The following ULK4 variants were observed in gnomAD, a reference collection of about 807,000 sequenced individuals.
ULK4 encodes the protein inactive serine/threonine-protein kinase ULK4.
In ULK4, 133 loss-of-function variants were observed where a neutral mutation model predicts 160.6. The observed-to-expected ratio is 0.83, with a 90% CI of 0.72 to 0.96. The LOEUF (loss-of-function observed/expected upper bound fraction) is 0.96, where lower values mean the gene tolerates loss of function less well. ULK4 is among the 40% of genes least tolerant of loss of function. The pLI is 0.00. For synonymous variants in ULK4, 534 were observed against 539.8 expected (o/e 0.99, Z 0.15); for missense variants, 1,580 against 1,499.5 (o/e 1.05, Z -0.89).
At chr3:41,684,944 TTGAAAATGGCTACTCTA>T (rs1476310287) in intron 27 of ULK4, among the ~76,000 whole-genome samples, 1 of 152,252 alleles carries the variant, frequency 6.6e-6, no homozygotes, top group Non-Finnish European at 1.5e-5. Flanking sequence ...CCTAGCAAGC[TTGAAAATGGCTACTCTA>T]GTTTCCTTCT....
chr3:41,598,966 C>T (rs2031877559), intron 31 of ULK4, among the ~76,000 whole-genome samples: 1 of 152,206 alleles, frequency 6.6e-6, no homozygotes, highest in Non-Finnish European at 1.5e-5. Flanking sequence ...AGGGGAAAAT[C>T]TGTTTTCTTG....
At chr3:41,368,146 A>C (rs2081289512) in intron 35 of ULK4, among the ~76,000 whole-genome samples, 1 of 151,490 alleles carries the variant, frequency 6.6e-6, no homozygotes, top group African/African-American at 2.4e-5. Context: ...CTCTGGGGTT[A>C]ACGCCATTCT....
chr3:41,351,389 G>A (rs939755850), intron 35 of ULK4, among the ~76,000 whole-genome samples: 1 of 152,144 alleles, frequency 6.6e-6, no homozygotes, highest in Non-Finnish European at 1.5e-5. Context: ...TGCACCTGAT[G>A]GACAAAACCC....
intron 21 of ULK4, among the ~76,000 whole-genome samples, chr3:41,762,366 T>C (rs1436047498): frequency 6.6e-6 from 1 of 152,084 alleles, no homozygotes; most frequent in Non-Finnish European, 1.5e-5. Flanking sequence ...TAGCTCTATC[T>C]ACCCAAAAGA....
intron 32 of ULK4, among the ~76,000 whole-genome samples, chr3:41,470,432 G>A (rs1291995129): frequency 3.3e-5 from 5 of 152,060 alleles, no homozygotes; most frequent in African/African-American, 9.7e-5. Context: ...AAATGCTAAC[G>A]GAATTCATCA....
intron 20 of ULK4, among the ~76,000 whole-genome samples, chr3:41,793,207 G>A (rs1006768834): frequency 2.6e-4 from 40 of 151,520 alleles, no homozygotes; most frequent in African/African-American, 9.7e-4. Flanking sequence ...AATAGAGTCT[G>A]AGATTATATT....
intron 32 of ULK4, among the ~76,000 whole-genome samples, chr3:41,530,702 A>G (rs920012986): frequency 2.0e-5 from 3 of 152,234 alleles, no homozygotes; most frequent in African/African-American, 7.2e-5. Context: ...ACAGCTGACC[A>G]ACTTGAAAAA....
chr3:41,268,945 G>A (rs1004768297), intron 35 of ULK4, among the ~76,000 whole-genome samples: 1 of 151,912 alleles, frequency 6.6e-6, no homozygotes, highest in Non-Finnish European at 1.5e-5. Context: ...TGCAGCTCGC[G>A]AAGGCCCACC....
chr3:41,487,239 C>T (rs558930902), intron 32 of ULK4, among the ~76,000 whole-genome samples: 1 of 151,938 alleles, frequency 6.6e-6, no homozygotes, highest in South Asian at 2.1e-4. Context: ...GGTACAAGAC[C>T]TTCAATTAAA....
At chr3:41,412,066 A>C (rs2082420418) in intron 34 of ULK4, among the ~76,000 whole-genome samples, 1 of 152,218 alleles carries the variant, frequency 6.6e-6, no homozygotes, top group Admixed American at 6.5e-5. Flanking sequence ...ATTAACAAAC[A>C]AGGTACTGGA....
At chr3:41,669,526 G>C (rs1004146085) in intron 29 of ULK4, among the ~76,000 whole-genome samples, 1 of 152,164 alleles carries the variant, frequency 6.6e-6, no homozygotes, top group African/African-American at 2.4e-5. Flanking sequence ...CCAACCTGCT[G>C]AGACTACAGG....
intron 22 of ULK4, among the ~76,000 whole-genome samples, chr3:41,743,508 TA>T (rs1400176424): frequency 6.6e-6 from 1 of 151,716 alleles, no homozygotes; most frequent in African/African-American, 2.4e-5. Flanking sequence ...GTTAAGAATA[TA>T]AAAAAAGAAG....
Position 41,831,531 on chromosome 3 carries a change from A to ATATATATATTTTTTTT in ULK4, c.1764+4332_1764+4333insAAAAAAAATATATATA. ...TTATTGTTATTTTATATATATATAT[A>ATATATATATTTTTTTT]TTTTTTTTTCTTTCTTAAACTTTAG... On this transcript the variant is annotated intron_variant, in intron 18 of 36. Transcript: ENST00000301831. Among the ~76,000 whole-genome samples, 7 of 138,128 alleles carry ATATATATATTTTTTTT rather than the reference A, an allele frequency of 5.1e-5. 1 individual carries two copies. The South Asian group carries it at 1.4e-3, about 27-fold the overall frequency. The allele number at this position is 138,128 out of a possible 152,430, so 90.6% of individuals were successfully genotyped here. A position where few individuals can be genotyped will look rare whatever the true frequency, so the allele number is the denominator to read the frequency against.
At chr3:41,479,051 G>T (rs533400721) in intron 32 of ULK4, among the ~76,000 whole-genome samples, 1 of 152,216 alleles carries the variant, frequency 6.6e-6, no homozygotes, top group Admixed American at 6.5e-5. Context: ...CTCATCAGCA[G>T]CACAGCCTGG....
At chr3:41,683,932 C>G (rs1480178415) in intron 27 of ULK4, among the ~76,000 whole-genome samples, 5 of 152,264 alleles carry the variant, frequency 3.3e-5, no homozygotes, top group African/African-American at 1.2e-4. Flanking sequence ...TGGGTGCTAT[C>G]TTTGTGAAGA....
intron 12 of ULK4, among the ~76,000 whole-genome samples, chr3:41,902,269 C>G (rs114748056): frequency 2.4e-3 from 366 of 152,140 alleles, no homozygotes; most frequent in African/African-American, 7.9e-3. Flanking sequence ...CCATGCAACT[C>G]AGACAAAAGA....
At chr3:41,537,680 A>G (rs1221525823) in intron 32 of ULK4, among the ~76,000 whole-genome samples, 3 of 152,198 alleles carry the variant, frequency 2.0e-5, no homozygotes, top group Non-Finnish European at 2.9e-5. Flanking sequence ...CAGAAATAAA[A>G]TATCATTGGG....
At chr3:41,455,972 C>T (rs547068138) in intron 33 of ULK4, among the ~76,000 whole-genome samples, 1 of 152,254 alleles carries the variant, frequency 6.6e-6, no homozygotes, top group African/African-American at 2.4e-5. Context: ...TGCAGTGGCA[C>T]AATCTCAGCT....
intron 18 of ULK4, among the ~76,000 whole-genome samples, chr3:41,829,707 A>T (rs1362869986): frequency 1.3e-5 from 2 of 152,116 alleles, no homozygotes; most frequent in African/African-American, 2.4e-5. Context: ...GGGACTGTAA[A>T]CTAGTTCAAC....
Sources: gnomAD v4.1 joint callset for allele counts (sites outside exome capture counted in the v4.1 genomes callset) on GRCh38, gnomAD v4.1.1 for gene constraint, MANE v1.5 for transcripts, NCBI Gene and HGNC (gene_info 2026-07-23, HGNC 2026-07-21) for gene names.